GSN: variants seen among roughly 807,000 people sequenced by gnomAD.
The protein encoded by GSN is gelsolin.
A neutral mutation model predicts 85.7 loss-of-function variants in GSN; 56 were observed. The ratio of observed to expected loss-of-function variants is 0.65; its 90% CI spans 0.53 to 0.82. GSN has a LOEUF of 0.82. Among genes scored for constraint, GSN ranks in the 40% least tolerant of loss-of-function variants. The pLI is 0.00. For missense variants in GSN, 857 were observed against 979.8 expected (o/e 0.87, Z 1.67); for synonymous variants, 373 against 399.1 (o/e 0.93, Z 0.78).
At position 121,301,641 on chromosome 9, in the gene GSN, A is replaced by G. The variant is rs567859030; in HGVS notation, c.-9-322A>G. Among the ~76,000 whole-genome samples the G allele has an allele frequency of 6.1e-4, 93 of 151,834 alleles. 1 individual carries two copies. Among genetic ancestry groups the G allele is most frequent in the African/African-American group, 1.2e-3 (51 of 41,456 alleles). Reference sequence around the variant, plus strand: ...ACTCTGTCTCAAAAAAAAAAAAAAAAAAAGAAAAAAAGAAAGAAAGAAAAG... The same window carrying G: ...ACTCTGTCTCAAAAAAAAAAAAAAAGAAAGAAAAAAAGAAAGAAAGAAAAG... On this transcript the variant is annotated intron_variant, in intron 2 of 17. Coordinates refer to ENST00000432226, the MANE Select transcript of GSN (RefSeq NM_198252.3).
chr9:121,243,725 G>A (rs2054648976), intron 5 of GSN, among the ~76,000 whole-genome samples: 1 of 152,102 alleles, frequency 6.6e-6, no homozygotes, highest in South Asian at 2.1e-4. Context: ...TTACAGGTGT[G>A]CACCACCACG....
At chr9:121,317,820 TAGG>T (rs1292419774) in intron 8 of GSN, 1 of 190,242 alleles carries the variant, frequency 5.3e-6, no homozygotes, top group Non-Finnish European at 1.1e-5. Flanking sequence ...AGGGAGGCAG[TAGG>T]AGGACAGAGA....
At chr9:121,223,887 G>A (rs913255083) in intron 4 of GSN, among the ~76,000 whole-genome samples, 1 of 151,744 alleles carries the variant, frequency 6.6e-6, no homozygotes, top group African/African-American at 2.4e-5. Context: ...TTAAACTCTT[G>A]GGCTCAAGTA....
At chr9:121,305,651 G>A (rs1258622136) in intron 4 of GSN, among the ~76,000 whole-genome samples, 3 of 152,132 alleles carry the variant, frequency 2.0e-5, no homozygotes, top group East Asian at 3.9e-4. Flanking sequence ...CAGGTTCCCC[G>A]GCCCCCCGAT....
At chr9:121,322,290 T>C (rs538425668) in intron 11 of GSN, among the ~76,000 whole-genome samples, 1 of 152,324 alleles carries the variant, frequency 6.6e-6, no homozygotes, top group East Asian at 1.9e-4. Context: ...GGTAGCATAC[T>C]TTGTATATTG....
At chr9:121,218,559 C>T (rs1004292718) in intron 4 of GSN, among the ~76,000 whole-genome samples, 37 of 152,082 alleles carry the variant, frequency 2.4e-4, no homozygotes, top group African/African-American at 8.7e-4. Context: ...CACTTGAACT[C>T]GGGAGGCGGA....
Position 121,299,703 on chromosome 9 carries a change from G to A in GSN, c.-9-2260G>A, listed in dbSNP as rs542300335. On this transcript the variant is annotated intron_variant, in intron 2 of 17. Coordinates refer to ENST00000432226, the MANE Select transcript of GSN (RefSeq NM_198252.3). The surrounding 1 kb of genome is among the most constrained non-coding windows in gnomAD (Gnocchi z 4.2). ...CTGCCGCGCCCTGTCGGGTCGATCCGGGTGGGAACCCAGATGTCTCCAAGA... is the reference window on the plus strand; with the variant it reads ...CTGCCGCGCCCTGTCGGGTCGATCCAGGTGGGAACCCAGATGTCTCCAAGA... 2 of 926,162 alleles carry A rather than the reference G, an allele frequency of 2.2e-6. No individual in the cohort carries two copies. Among genetic ancestry groups the A allele is most frequent in the South Asian group, 9.6e-5 (2 of 20,926 alleles). 57.4% of individuals were successfully genotyped at this position (926,162 alleles called of 1,614,324 possible).
chr9:121,332,514 C>T lies in GSN; in HGVS notation c.2107C>T (p.Pro703Ser), dbSNP rs2064066721. ...CGTGGTGAAGCAAGGCTTTGAGCCT[C>T]CCTCCTTTGTGGGCTGGTTCCTTGG... ...ITVVKQGFEPPSFVGWFLGWD... is the reference protein window; with the variant it reads ...ITVVKQGFEPSSFVGWFLGWD... Residue 703 changes from proline to serine, a missense_variant, in exon 18 of 18, where the codon CCC (proline) becomes TCC (serine). Physicochemically the swap from Pro to Ser is moderately conservative, Grantham distance 74. Transcript: ENST00000432226. The surrounding 1 kb of genome is among the most constrained non-coding windows in gnomAD (Gnocchi z 4.8). 1 of 1,613,882 alleles carries T rather than the reference C, an allele frequency of 6.2e-7. No individual in the cohort carries two copies. Among genetic ancestry groups the T allele is most frequent in the African/African-American group, 1.3e-5 (1 of 74,888 alleles).
At chr9:121,226,839 C>T (rs2054279694) in intron 4 of GSN, among the ~76,000 whole-genome samples, 1 of 152,206 alleles carries the variant, frequency 6.6e-6, no homozygotes, top group African/African-American at 2.4e-5. Flanking sequence ...GCGCTTTCAG[C>T]CCCACCTCCA....
rs2063636774 is a variant in GSN, at chr9:121,329,396, G to A, written c.1965+81G>A. 26 of 901,996 alleles carry A rather than the reference G, an allele frequency of 2.9e-5. No homozygotes were observed. The highest frequency in any genetic ancestry group is 1.4e-4 in the Admixed American group (8 of 58,136). The allele number at this position is 901,996 out of a possible 1,614,324, so 55.9% of individuals were successfully genotyped here. On this transcript the variant is annotated intron_variant, in intron 16 of 17. Coordinates refer to ENST00000432226, the MANE Select transcript of GSN (RefSeq NM_198252.3). The surrounding 1 kb of genome is among the most constrained non-coding windows in gnomAD (Gnocchi z 4.6). ...CTTCCAGTTCTATGATCAGTTGCTA[G>A]AAGGACCTAAAGGGGGCAGTGCCAG...
chr9:121,246,121 G>GGGAAA (rs1172485028), intron 5 of GSN, among the ~76,000 whole-genome samples: 1 of 152,194 alleles, frequency 6.6e-6, no homozygotes, highest in Non-Finnish European at 1.5e-5. Context: ...TCTGAGGGCA[G>GGGAAA]GGAAAGGAAA....
chr9:121,265,433 A>C (rs1298297070), upstream of GSN: 7 of 152,324 alleles, frequency 4.6e-5, no homozygotes, highest in Admixed American at 4.6e-4. Flanking sequence ...CAGTTAATTA[A>C]CCATGATTGT....
At chr9:121,287,368 A>G (rs537694254) in intron 2 of GSN, among the ~76,000 whole-genome samples, 2 of 152,230 alleles carry the variant, frequency 1.3e-5, no homozygotes, top group African/African-American at 4.8e-5. Flanking sequence ...GCCTAGCCTC[A>G]GTTTCCCCAA....
chr9:121,328,181 A>C, intron 14 of GSN, among the ~76,000 whole-genome samples: 1 of 152,208 alleles, frequency 6.6e-6, no homozygotes, highest in East Asian at 1.9e-4. Context: ...TGGGCCGGGC[A>C]GCTCTTCCTT....
At chr9:121,331,472 C>T (rs371780814) in intron 17 of GSN, 24 bp downstream of exon 17, 165 of 1,387,860 alleles carry the variant, frequency 1.2e-4, no homozygotes, top group African/African-American at 1.1e-3. Context: ...TGCCTGGGGG[C>T]GGGGGGAGGG....
chr9:121,239,593 C>T, intron 5 of GSN: 1 of 273,036 alleles, frequency 3.7e-6, no homozygotes, highest in South Asian at 3.9e-5. Flanking sequence ...CTGTTCATAC[C>T]AACTATGGCT....
chr9:121,258,180 G>A (rs914291792), intron 6 of GSN, among the ~76,000 whole-genome samples: 14 of 152,200 alleles, frequency 9.2e-5, no homozygotes, highest in African/African-American at 2.9e-4. Context: ...GGGGAAATAT[G>A]GCTACTTTAC....
rs772146649 is a variant in GSN at position 121,299,412 on chromosome 9, C to T, written c.-9-2551C>T. The T allele has an allele frequency of 5.1e-6, 5 of 979,240 alleles. No individual in the cohort carries two copies. Among genetic ancestry groups the T allele is most frequent in the African/African-American group, 1.8e-5 (1 of 57,118 alleles). The allele number at this position is 979,240 out of a possible 1,614,324, so 60.7% of individuals were successfully genotyped here. A position where few individuals can be genotyped will look rare whatever the true frequency, so the allele number is the denominator to read the frequency against. Reference sequence around the variant, plus strand: ...GCTTCACCACTCTGCGCTGTTCCCCCCTCTGTAAAATGGGTTGGCCGTTGT... The same window carrying T: ...GCTTCACCACTCTGCGCTGTTCCCCTCTCTGTAAAATGGGTTGGCCGTTGT... On this transcript the variant is annotated intron_variant, in intron 2 of 17. Transcript: ENST00000432226. The surrounding 1 kb of genome is among the most constrained non-coding windows in gnomAD (Gnocchi z 4.2).
intron 6 of GSN, among the ~76,000 whole-genome samples, chr9:121,250,226 A>G (rs1438038941): frequency 2.4e-5 from 3 of 122,978 alleles, no homozygotes; most frequent in Non-Finnish European, 4.8e-5. Context: ...TTTTTTTGAG[A>G]TGGAGTCTCA....
Sources: gnomAD v4.1 joint callset for allele counts (sites outside exome capture counted in the v4.1 genomes callset) on GRCh38, gnomAD v4.1.1 for gene constraint, Gnocchi (gnomAD v3.1) non-coding constraint, MANE v1.5 for transcripts, NCBI Gene and HGNC (gene_info 2026-07-23, HGNC 2026-07-21) for gene names.